The following MGST3 variants were observed in gnomAD, a reference collection of about 807,000 sequenced individuals.
MGST3 encodes the protein glutathione S-transferase 3, mitochondrial.
A neutral mutation model predicts 15.8 loss-of-function variants in MGST3; 13 were observed. That is an observed-to-expected ratio of 0.82 (90% CI 0.54 to 1.31). The LOEUF (loss-of-function observed/expected upper bound fraction) is 1.31. MGST3 is among the 50% of genes most tolerant of loss of function. The pLI, the probability that MGST3 is intolerant of heterozygous loss-of-function variation, is 0.00. For synonymous variants in MGST3, 49 were observed against 68.1 expected (o/e 0.72, Z 1.38); for missense variants, 155 against 192.4 (o/e 0.81, Z 1.15).
At chr1:165,653,879 C>T in intron 4 of MGST3, 1 of 298,906 alleles carries the variant, frequency 3.3e-6, no homozygotes, top group South Asian at 3.2e-5. Context: ...GCTCAGAGGC[C>T]CATTTGAGAA....
intron 1 of MGST3, chr1:165,649,005 T>C (rs1648482299): frequency 6.6e-6 from 1 of 152,278 alleles, no homozygotes; most frequent in African/African-American, 2.4e-5. Flanking sequence ...AGCCAGGCAA[T>C]TACCAGGGAT....
intron 3 of MGST3, 27 bp from the exon 4 acceptor site, chr1:165,651,951 T>C: frequency 6.4e-7 from 1 of 1,555,318 alleles, no homozygotes; most frequent in Non-Finnish European, 8.9e-7. Context: ...AGGGCACTTT[T>C]TAAAAGTTTC....
chr1:165,633,440 C>T (rs1648012160), intron 1 of MGST3, among the ~76,000 whole-genome samples: 1 of 152,062 alleles, frequency 6.6e-6, no homozygotes, highest in African/African-American at 2.4e-5. Flanking sequence ...TATTTCCACC[C>T]TTCATTTTTT....
chr1:165,652,739 G>C (rs962979575), intron 4 of MGST3, among the ~76,000 whole-genome samples: 5 of 152,220 alleles, frequency 3.3e-5, no homozygotes, highest in African/African-American at 1.2e-4. Context: ...TGAGCAGTGA[G>C]AAGCCAATGG....
chr1:165,646,712 G>C (rs1400424846), intron 1 of MGST3: 4 of 152,262 alleles, frequency 2.6e-5, no homozygotes, highest in Non-Finnish European at 5.9e-5. Flanking sequence ...ACCTGCAGTT[G>C]CAGCTCAAAT....
intron 1 of MGST3, among the ~76,000 whole-genome samples, chr1:165,632,534 G>T (rs142336686): frequency 3.4e-4 from 52 of 152,284 alleles, no homozygotes; most frequent in Admixed American, 1.2e-3. Context: ...ATATAAAATA[G>T]AAACAAATAC....
At chr1:165,638,153 A>T (rs1208798113) in intron 1 of MGST3, among the ~76,000 whole-genome samples, 1 of 152,196 alleles carries the variant, frequency 6.6e-6, no homozygotes, top group African/African-American at 2.4e-5. Flanking sequence ...GATAAATGTA[A>T]AAGTTACAAA....
intron 2 of MGST3, 164 bp from the exon 3 acceptor site, chr1:165,650,850 T>A: frequency 1.5e-6 from 1 of 670,774 alleles, no homozygotes; most frequent in South Asian, 1.6e-5. Flanking sequence ...CTTCTGAGAA[T>A]TGAGACCCTT....
chr1:165,635,072 G>C (rs986677313), intron 1 of MGST3, among the ~76,000 whole-genome samples: 5 of 151,492 alleles, frequency 3.3e-5, no homozygotes, highest in African/African-American at 1.2e-4. Flanking sequence ...GTATCCCATG[G>C]CTTCTCACCA....
At position 165,649,882 on chromosome 1, in the gene MGST3, T is replaced by C; in HGVS notation, c.35T>C (p.Leu12Pro). 1 of 1,614,206 alleles carries C rather than the reference T, an allele frequency of 6.2e-7. No individual in the cohort carries two copies. The highest frequency in any genetic ancestry group is 1.1e-5 in the South Asian group (1 of 91,090). The change falls in exon 2 of 6, where the codon CTT (leucine) becomes CCT (proline). Residue 12 changes from leucine to proline, a missense_variant. Leu to Pro is a moderately conservative substitution (Grantham distance 98, BLOSUM62 -3). Transcript: ENST00000367889. ...CTCTCTAAGGAATATGGTTTTGTGC[T>C]TCTAACTGGTGCTGCCAGCTTTATA... ...AVLSKEYGFV[L>P]LTGAASFIMV...
intron 1 of MGST3, among the ~76,000 whole-genome samples, chr1:165,645,393 G>GT (rs1252288812): frequency 6.6e-6 from 1 of 152,032 alleles, no homozygotes; most frequent in Non-Finnish European, 1.5e-5. Context: ...CACCTGCCAT[G>GT]TGTGGAGCTG....
rs1260101333 is a variant in MGST3, at chr1:165,655,674, C to T, written c.*170C>T. The T allele has an allele frequency of 2.7e-6, 2 of 751,618 alleles. No individual in the cohort carries two copies. Among genetic ancestry groups the T allele is most frequent in the African/African-American group, 1.8e-5 (1 of 55,978 alleles). The allele number at this position is 751,618 out of a possible 1,614,324, so 46.6% of individuals were successfully genotyped here. On this transcript the variant is annotated 3_prime_UTR_variant, in exon 6 of 6. Transcript: ENST00000367889. ...TGAGTCTGTATCTGAAATCAGTAGCCTAGTCCTACTAGATGAGAAAGGAGC... is the reference window on the plus strand; with the variant it reads ...TGAGTCTGTATCTGAAATCAGTAGCTTAGTCCTACTAGATGAGAAAGGAGC...
chr1:165,655,063 G>C (rs748330727), intron 5 of MGST3, among the ~76,000 whole-genome samples: 1 of 152,194 alleles, frequency 6.6e-6, no homozygotes, highest in Non-Finnish European at 1.5e-5. Flanking sequence ...GAGTAAGGAG[G>C]AGGAAAAGCC....
At chr1:165,645,213 A>AT (rs1172535209) in intron 1 of MGST3, among the ~76,000 whole-genome samples, 1 of 152,022 alleles carries the variant, frequency 6.6e-6, no homozygotes, top group Non-Finnish European at 1.5e-5. Context: ...TGGAAGTGAA[A>AT]TTTTTTCTAT....
intron 2 of MGST3, chr1:165,650,749 A>T (rs1427212206): frequency 2.1e-6 from 1 of 478,880 alleles, no homozygotes; most frequent in Non-Finnish European, 3.8e-6. Flanking sequence ...AAAAGCACGG[A>T]GTTTGGCGCA....
At chr1:165,633,374 T>C (rs1413017352) in intron 1 of MGST3, among the ~76,000 whole-genome samples, 1 of 152,256 alleles carries the variant, frequency 6.6e-6, no homozygotes, top group Non-Finnish European at 1.5e-5. Context: ...TTCTGAGTTA[T>C]TTCTAGAGTT....
chr1:165,654,014 G>A (rs968924837), intron 4 of MGST3: 2 of 457,050 alleles, frequency 4.4e-6, no homozygotes, highest in African/African-American at 2.0e-5. Context: ...CAGGGCAAGT[G>A]GGGGGATTCC....
chr1:165,650,053 G>A (rs577273149), intron 2 of MGST3, 89 bp downstream of exon 2: 8 of 1,585,676 alleles, frequency 5.0e-6, no homozygotes, highest in African/African-American at 4.0e-5. Context: ...TGGAGGGAGA[G>A]GCAAGGAGCT....
At chr1:165,649,068 A>G (rs905597754) in intron 1 of MGST3, 1 of 152,156 alleles carries the variant, frequency 6.6e-6, no homozygotes, top group Non-Finnish European at 1.5e-5. Context: ...GGCTCGTGGA[A>G]GCCTTTGAAG....
Sources: gnomAD v4.1 joint callset for allele counts (sites outside exome capture counted in the v4.1 genomes callset) on GRCh38, gnomAD v4.1.1 for gene constraint, MANE v1.5 for transcripts, NCBI Gene and HGNC (gene_info 2026-07-23, HGNC 2026-07-21) for gene names.